GRIK2: variants seen among roughly 807,000 people sequenced by gnomAD.
The protein encoded by GRIK2 is glutamate ionotropic receptor kainate type subunit 2.
A neutral mutation model predicts 100.3 loss-of-function variants in GRIK2; 32 were observed. That is an observed-to-expected ratio of 0.32 (90% CI 0.24 to 0.43). The LOEUF (loss-of-function observed/expected upper bound fraction) is 0.43. Ranked by LOEUF, GRIK2 falls within the 20% of genes least tolerant of loss-of-function variation. GRIK2 has a pLI of 1.00. For synonymous variants in GRIK2, 417 were observed against 389.4 expected, an observed-to-expected ratio of 1.07 and a Z score of -0.83; for missense variants, 843 against 1,114.9, an observed-to-expected ratio of 0.76 and a Z score of 3.47.
Position 101,399,000 on chromosome 6 carries a change from C to T in GRIK2, c.-278C>T, listed in dbSNP as rs989427422. ...GCTTTCACAGGCTCGCGCGGCCGGA[C>T]ATTGTGGGTGTGCGTGCTGGATTTC... On this transcript the variant is annotated 5_prime_UTR_variant, in exon 2 of 17. Transcript: ENST00000369134. 2.3e-6 allele frequency: 1 copy of T among 430,314 alleles called. No individual in the cohort carries two copies. 26.7% of individuals were successfully genotyped at this position (430,314 alleles called of 1,614,324 possible).
At chr6:101,736,652 G>A (rs1775655057) in intron 7 of GRIK2, among the ~76,000 whole-genome samples, 1 of 152,146 alleles carries the variant, frequency 6.6e-6, no homozygotes, top group African/African-American at 2.4e-5. Flanking sequence ...CCTGGGCCCG[G>A]CCCACAAAAC....
chr6:101,743,956 A>C (rs1483785327), intron 7 of GRIK2, among the ~76,000 whole-genome samples: 1 of 151,670 alleles, frequency 6.6e-6, no homozygotes, highest in African/African-American at 2.4e-5. Flanking sequence ...GTCTTTTTTT[A>C]TTTTGAGATG....
At chr6:101,577,745 C>T (rs992005311) in intron 2 of GRIK2, among the ~76,000 whole-genome samples, 5 of 152,062 alleles carry the variant, frequency 3.3e-5, no homozygotes, top group African/African-American at 1.2e-4. Flanking sequence ...AAATATTACC[C>T]AGGTCTCTCC....
chr6:101,899,073 A>G (rs1246952404), intron 12 of GRIK2, among the ~76,000 whole-genome samples: 1 of 151,070 alleles, frequency 6.6e-6, no homozygotes, highest in Non-Finnish European at 1.5e-5. Context: ...ACATATATAG[A>G]AAGAGAGAGG....
intron 5 of GRIK2, among the ~76,000 whole-genome samples, chr6:101,678,004 A>C (rs1770967262): frequency 6.6e-6 from 1 of 152,138 alleles, no homozygotes; most frequent in Non-Finnish European, 1.5e-5. Context: ...CACTAAGATT[A>C]CTACTGAACT....
intron 2 of GRIK2, among the ~76,000 whole-genome samples, chr6:101,541,484 G>C (rs1260095333): frequency 1.3e-5 from 2 of 151,230 alleles, no homozygotes; most frequent in Non-Finnish European, 2.9e-5. Flanking sequence ...GGTGAGAAAG[G>C]ATGCTGGGCA....
chr6:101,661,041 G>T (rs1425082482), intron 4 of GRIK2, among the ~76,000 whole-genome samples: 1 of 152,134 alleles, frequency 6.6e-6, no homozygotes, highest in Non-Finnish European at 1.5e-5. Flanking sequence ...GAGCCAGCAG[G>T]CAGGAATGTT....
chr6:101,859,684 A>G (rs559642069), intron 11 of GRIK2, among the ~76,000 whole-genome samples, 191 bp downstream of exon 11: 2 of 152,336 alleles, frequency 1.3e-5, no homozygotes, highest in East Asian at 1.9e-4. Flanking sequence ...ATAGCCCTAT[A>G]TATGTAAACA....
intron 14 of GRIK2, among the ~76,000 whole-genome samples, chr6:101,931,721 C>T (rs1045879427): frequency 6.6e-6 from 1 of 152,098 alleles, no homozygotes; most frequent in Non-Finnish European, 1.5e-5. Flanking sequence ...AATGTAAAGC[C>T]ATGACTGGAA....
intron 14 of GRIK2, among the ~76,000 whole-genome samples, chr6:101,945,050 A>T (rs976281741): frequency 6.6e-6 from 1 of 152,118 alleles, no homozygotes; most frequent in African/African-American, 2.4e-5. Flanking sequence ...AAAGTTAAGA[A>T]AGATGAACAA....
At chr6:101,726,347 G>T (rs867942283) in intron 7 of GRIK2, among the ~76,000 whole-genome samples, 1 of 151,938 alleles carries the variant, frequency 6.6e-6, no homozygotes, top group South Asian at 2.1e-4. Flanking sequence ...CTAATGAAAG[G>T]TACTAAAATG....
At chr6:101,407,943 G>A (rs1052527711) in intron 2 of GRIK2, among the ~76,000 whole-genome samples, 2 of 152,140 alleles carry the variant, frequency 1.3e-5, no homozygotes, top group Non-Finnish European at 2.9e-5. Context: ...TAGAAAGAAG[G>A]GGGAAATGTA....
In GRIK2 at chr6:101,686,210, C is replaced by A. The variant is rs1265340906; in HGVS notation, c.808C>A (p.Arg270=). ...DLFALDVEPY[R]YSGVNMTGFR... ...CTTTGCTCTTGATGTTGAGCCCTACCGATACAGTGGTGTTAACATGACAGG... is the reference window on the plus strand; with the variant it reads ...CTTTGCTCTTGATGTTGAGCCCTACAGATACAGTGGTGTTAACATGACAGG... Residue 270 remains arginine (R), a synonymous_variant, in exon 7 of 17, where the codon CGA becomes AGA. Transcript: ENST00000369134. 1 of 1,611,758 alleles carries A rather than the reference C, an allele frequency of 6.2e-7. No homozygotes were observed. Among genetic ancestry groups the A allele is most frequent in the Non-Finnish European group, 8.5e-7 (1 of 1,178,324 alleles).
chr6:102,060,701 T>A (rs1771703388), intron 16 of GRIK2, among the ~76,000 whole-genome samples: 1 of 150,748 alleles, frequency 6.6e-6, no homozygotes, highest in Non-Finnish European at 1.5e-5. Context: ...ATAAGATATC[T>A]ATACTTTTTA....
In GRIK2 at chr6:101,941,068, C is replaced by CTA. The variant is rs2128475578; in HGVS notation, c.2085+12438_2085+12439dup. Among the ~76,000 whole-genome samples, 3 of 152,062 alleles carry CTA rather than the reference C, an allele frequency of 2.0e-5. No homozygotes were observed. The South Asian group carries it at 6.2e-4, about 32-fold the overall frequency. Reference sequence around the variant, plus strand: ...TTTGATTCAGTTTAAATGATTTCTTCTATGTACTACTGTAACATTGTAATG... The same window carrying CTA: ...TTTGATTCAGTTTAAATGATTTCTTCTATATGTACTACTGTAACATTGTAATG... On this transcript the variant is annotated intron_variant, in intron 14 of 16. Transcript: ENST00000369134.
intron 7 of GRIK2, among the ~76,000 whole-genome samples, chr6:101,760,372 T>A (rs1777441668): frequency 1.3e-5 from 1 of 77,494 alleles, no homozygotes; most frequent in Non-Finnish European, 2.0e-5. Flanking sequence ...AATTATATAT[T>A]TATTATATAT....
intron 7 of GRIK2, among the ~76,000 whole-genome samples, chr6:101,748,801 C>T (rs1002849073): frequency 1.4e-5 from 2 of 145,526 alleles, no homozygotes; most frequent in Non-Finnish European, 3.0e-5. Flanking sequence ...ATTCATTATA[C>T]ATGTTACATC....
chr6:102,030,843 GCTTT>G (rs1769946912), intron 14 of GRIK2, among the ~76,000 whole-genome samples: 1 of 150,760 alleles, frequency 6.6e-6, no homozygotes, highest in Non-Finnish European at 1.5e-5. Flanking sequence ...TACATTTTTA[GCTTT>G]GATATCCCCT....
chr6:101,502,926 C>T (rs1773838449), intron 2 of GRIK2, among the ~76,000 whole-genome samples: 1 of 152,074 alleles, frequency 6.6e-6, no homozygotes, highest in South Asian at 2.1e-4. Context: ...TTTCAAGCTG[C>T]ATTTGCCATC....
Sources: gnomAD v4.1 joint callset for allele counts (sites outside exome capture counted in the v4.1 genomes callset) on GRCh38, gnomAD v4.1.1 for gene constraint, MANE v1.5 for transcripts, NCBI Gene and HGNC (gene_info 2026-07-23, HGNC 2026-07-21) for gene names.